MYOM1: variants seen among roughly 807,000 people sequenced by gnomAD.
MYOM1 encodes the protein myomesin-1.
In MYOM1, 164 loss-of-function variants were observed where a neutral mutation model predicts 205.3. The ratio of observed to expected loss-of-function variants is 0.80; its 90% CI spans 0.70 to 0.91. The LOEUF (loss-of-function observed/expected upper bound fraction) is 0.91, where lower values mean the gene tolerates loss of function less well. MYOM1 is among the 40% of genes least tolerant of loss of function. The probability of loss-of-function intolerance (pLI) is 0.00; values close to 1 mark genes in which losing one functional copy is unlikely to be tolerated. For synonymous variants in MYOM1, 772 were observed against 789.4 expected (o/e 0.98, Z 0.37); for missense variants, 2,011 against 2,127.3 (o/e 0.95, Z 1.08).
intron 16 of MYOM1, among the ~76,000 whole-genome samples, chr18:3,134,061 G>C (rs931616024): frequency 6.6e-6 from 1 of 151,752 alleles, no homozygotes; most frequent in African/African-American, 2.4e-5. Flanking sequence ...GTTTTCGCCA[G>C]GTTGCCCAGG....
intron 34 of MYOM1, among the ~76,000 whole-genome samples, chr18:3,076,513 G>C (rs1229837844): frequency 2.0e-5 from 3 of 152,110 alleles, no homozygotes; most frequent in Non-Finnish European, 4.4e-5. Context: ...CTGTTATGCT[G>C]TCTGGTCTGT....
At position 3,175,813 on chromosome 18, in the gene MYOM1, C is replaced by T. The variant is rs62076879; in HGVS notation, c.1022+229G>A. ...TGCAAATTGGTTTTTTTCTCATCAT[C>T]TTTGACCGAATCCAAATATAAAATC... On this transcript the variant is annotated intron_variant, in intron 6 of 37. Coordinates refer to ENST00000356443, the MANE Select transcript of MYOM1 (RefSeq NM_003803.4). Among the ~76,000 whole-genome samples, 1,028 of 152,200 alleles carry T rather than the reference C, an allele frequency of 6.8e-3. 5 individuals carry two copies. The highest frequency in any genetic ancestry group is 0.048 in the Middle Eastern group (14 of 294).
intron 8 of MYOM1, among the ~76,000 whole-genome samples, chr18:3,171,716 T>C (rs2080559996): frequency 6.6e-6 from 1 of 152,132 alleles, no homozygotes; most frequent in Admixed American, 6.6e-5. Flanking sequence ...AGAAGTACAG[T>C]ATTTTGCGAT....
rs752457693 is a variant in MYOM1 at position 3,134,628 on chromosome 18, C to T, written c.2384+22G>A. ...GGCAGCTCCAGAGGCCATTGCCCGC[C>T]CTGCACACCCGACTGAGTTACCGTG... On this transcript the variant is annotated intron_variant, in intron 16 of 37. Coordinates refer to ENST00000356443, the MANE Select transcript of MYOM1 (RefSeq NM_003803.4). 2.1e-5 allele frequency: 34 copies of T among 1,594,910 alleles called. 1 individual carries two copies. The South Asian group carries it at 3.6e-4, about 17-fold the overall frequency.
At chr18:3,105,029 A>G (rs1052443314) in intron 22 of MYOM1, among the ~76,000 whole-genome samples, 1 of 152,124 alleles carries the variant, frequency 6.6e-6, no homozygotes, top group Admixed American at 6.5e-5. Flanking sequence ...GATTACAGAC[A>G]TGAGCCACTG....
chr18:3,113,148 AT>A lies in MYOM1; in HGVS notation c.3304-737del, dbSNP rs1227794958. Among the ~76,000 whole-genome samples the A allele has an allele frequency of 1.3e-5, 2 of 152,092 alleles. 1 individual carries two copies. Among genetic ancestry groups the A allele is most frequent in the African/African-American group, 4.8e-5 (2 of 41,400 alleles). Reference sequence around the variant, plus strand: ...TGTAAAAAAAAAGCATTTATAATTTATTTTTGTATGACAGTCCCACTTCATG... The same window carrying A: ...TGTAAAAAAAAAGCATTTATAATTTATTTTGTATGACAGTCCCACTTCATG... On this transcript the variant is annotated intron_variant, in intron 21 of 37. Coordinates refer to ENST00000356443, the MANE Select transcript of MYOM1 (RefSeq NM_003803.4).
chr18:3,139,491 C>T (rs2080019200), intron 14 of MYOM1, among the ~76,000 whole-genome samples: 1 of 152,176 alleles, frequency 6.6e-6, no homozygotes, highest in Admixed American at 6.5e-5. Flanking sequence ...AGCGGTGGCC[C>T]AAGAGGCAGC....
the MYOM1 span, chr18:3,246,408 G>A: frequency 6.6e-6 from 1 of 152,320 alleles, no homozygotes; most frequent in Admixed American, 6.5e-5. Flanking sequence ...TAGTAGGTTG[G>A]AAATGACGCA....
chr18:3,211,351 G>C (rs999679494), intron 2 of MYOM1, among the ~76,000 whole-genome samples: 1 of 152,148 alleles, frequency 6.6e-6, no homozygotes, highest in African/African-American at 2.4e-5. Flanking sequence ...ACTTTCTAGA[G>C]CAATGGTTCT....
At chr18:3,095,398 A>G (rs1203740543) in intron 25 of MYOM1, among the ~76,000 whole-genome samples, 2 of 152,058 alleles carry the variant, frequency 1.3e-5, no homozygotes, top group South Asian at 2.1e-4. Flanking sequence ...GTGAAACCCC[A>G]TCTCTACTAA....
intron 19 of MYOM1, among the ~76,000 whole-genome samples, chr18:3,125,204 A>T (rs868115585): frequency 7.9e-5 from 12 of 152,086 alleles, no homozygotes; most frequent in South Asian, 6.2e-4. Context: ...AGATAAACAG[A>T]CCCCCTGACC....
At chr18:3,130,453 T>C (rs1325898017) in intron 17 of MYOM1, among the ~76,000 whole-genome samples, 2 of 152,096 alleles carry the variant, frequency 1.3e-5, no homozygotes, top group African/African-American at 4.8e-5. Context: ...TTTTATTTTA[T>C]TTATTTATTT....
At chr18:3,087,244 T>C (rs761884594) in intron 29 of MYOM1, among the ~76,000 whole-genome samples, 6 of 152,092 alleles carry the variant, frequency 3.9e-5, no homozygotes, top group Non-Finnish European at 8.8e-5. Flanking sequence ...ACATCCCTTG[T>C]GTGGATCCCA....
At chr18:3,088,644 C>T (rs1399797284) in intron 29 of MYOM1, among the ~76,000 whole-genome samples, 1 of 152,188 alleles carries the variant, frequency 6.6e-6, no homozygotes, top group Non-Finnish European at 1.5e-5. Flanking sequence ...AAAGTACAAA[C>T]TTGTTTAGAA....
intron 22 of MYOM1, among the ~76,000 whole-genome samples, chr18:3,110,919 A>G (rs1319386323): frequency 6.6e-6 from 1 of 150,514 alleles, no homozygotes; most frequent in African/African-American, 2.4e-5. Flanking sequence ...GAGATCAGTT[A>G]GCAAGCAAAT....
At chr18:3,089,490 G>A (rs770702966) in intron 28 of MYOM1, 47 bp downstream of exon 28, 7 of 1,423,088 alleles carry the variant, frequency 4.9e-6, no homozygotes, top group East Asian at 2.3e-5. Context: ...GGAATCTTTT[G>A]TACAAAAAAA....
At chr18:3,127,305 A>ATATATATATTTTTTTTTT (rs56880961) in intron 18 of MYOM1, among the ~76,000 whole-genome samples, 1 of 47,580 alleles carries the variant, frequency 2.1e-5, no homozygotes, top group Non-Finnish European at 3.6e-5. Flanking sequence ...ATATATATAT[A>ATATATATATTTTTTTTTT]TTTTTTTTTT....
At chr18:3,082,136 C>CA (rs1448979166) in intron 33 of MYOM1, among the ~76,000 whole-genome samples, 8 of 152,254 alleles carry the variant, frequency 5.3e-5, no homozygotes, top group Admixed American at 4.6e-4. Context: ...GCTGATCTGA[C>CA]AGGAGGCGGA....
intron 21 of MYOM1, among the ~76,000 whole-genome samples, chr18:3,115,585 T>C (rs2079592793): frequency 6.6e-6 from 1 of 152,156 alleles, no homozygotes; most frequent in Non-Finnish European, 1.5e-5. Flanking sequence ...CACATTTCAT[T>C]CTAAGTAGTA....
Sources: allele counts gnomAD v4.1 joint callset (sites outside exome capture counted in the v4.1 genomes callset), GRCh38; gene constraint gnomAD v4.1.1; transcripts MANE v1.5; gene names NCBI Gene and HGNC (gene_info 2026-07-23, HGNC 2026-07-21).